Variants in OSBPL10 observed in about 807,000 individuals in gnomAD.
The protein encoded by OSBPL10 is oxysterol-binding protein-related protein 10.
A neutral mutation model predicts 81.7 loss-of-function variants in OSBPL10; 49 were observed. The observed-to-expected ratio is 0.60, with a 90% confidence interval of 0.48 to 0.76. The LOEUF is 0.76. OSBPL10 is among the 30% of genes least tolerant of loss of function. The pLI is 0.00. For missense variants in OSBPL10, 923 were observed against 987.8 expected (o/e 0.93, Z 0.88); for synonymous variants, 419 against 383.6 (o/e 1.09, Z -1.08).
rs1279800389 is a variant in OSBPL10, at chr3:31,965,743, TATAATATATATTATATTAAAAG to T, written c.281+15134_281+15155del. 3.4e-3 allele frequency among the ~76,000 whole-genome samples: 223 copies of T among 66,466 alleles called. 19 individuals are homozygous for T. The highest frequency in any genetic ancestry group is 0.012 in the Admixed American group (39 of 3,164). The allele number at this position is 66,466 out of a possible 152,430, so 43.6% of individuals were successfully genotyped here. On this transcript the variant is annotated intron_variant, in intron 1 of 11. Coordinates refer to ENST00000396556, the MANE Select transcript of OSBPL10 (RefSeq NM_017784.5). ...TAATATAATATATATTATCTATTTA[TATAATATATATTATATTAAAAG>T]ATAATATATATTATATAAATAGATA...
chr3:31,677,800 G>GAT (rs1700518899), intron 8 of OSBPL10, among the ~76,000 whole-genome samples: 1 of 152,090 alleles, frequency 6.6e-6, no homozygotes, highest in African/African-American at 2.4e-5. Context: ...ACAGAGCAAA[G>GAT]GCCGGGCGCG....
At chr3:32,007,303 C>A (rs1369242966) in intron 2 of OSBPL10, among the ~76,000 whole-genome samples, 2 of 152,184 alleles carry the variant, frequency 1.3e-5, no homozygotes, top group African/African-American at 4.8e-5. Flanking sequence ...AAATGTTCAT[C>A]AGTAAAAGAA....
At chr3:31,684,203 C>A (rs991926450) in intron 7 of OSBPL10, 89 bp from the exon 8 acceptor site, 31 of 1,508,784 alleles carry the variant, frequency 2.1e-5, no homozygotes, top group African/African-American at 2.8e-5. Context: ...CACTGTTAAG[C>A]AAATTCATAA....
chr3:31,665,486 C>G (rs1274985705), intron 10 of OSBPL10, among the ~76,000 whole-genome samples: 2 of 152,146 alleles, frequency 1.3e-5, no homozygotes, highest in Non-Finnish European at 2.9e-5. Flanking sequence ...TGAGTGCTGG[C>G]ATGGTCAGGC....
chr3:32,037,625 G>C (rs1699533091), intron 2 of OSBPL10: 1 of 209,162 alleles, frequency 4.8e-6, no homozygotes, highest in Non-Finnish European at 9.5e-6. Context: ...GCATTTGATG[G>C]TGCTATGTTT....
chr3:31,747,223 C>T (rs375718196), intron 5 of OSBPL10, among the ~76,000 whole-genome samples: 2 of 151,492 alleles, frequency 1.3e-5, no homozygotes, highest in African/African-American at 4.9e-5. Flanking sequence ...GAGGCTGAGG[C>T]GGGAGAATCT....
At chr3:31,809,323 T>C (rs1699607014) in intron 4 of OSBPL10, among the ~76,000 whole-genome samples, 1 of 152,080 alleles carries the variant, frequency 6.6e-6, no homozygotes, top group Non-Finnish European at 1.5e-5. Flanking sequence ...GAACATGTAA[T>C]GGAAAAAGTC....
chr3:31,732,376 A>C (rs1697001216), intron 6 of OSBPL10, among the ~76,000 whole-genome samples: 1 of 152,212 alleles, frequency 6.6e-6, no homozygotes, highest in Non-Finnish European at 1.5e-5. Flanking sequence ...AAACCATTTG[A>C]TCAAAGACAC....
intron 7 of OSBPL10, among the ~76,000 whole-genome samples, chr3:31,695,612 C>T (rs1695694135): frequency 6.6e-6 from 1 of 152,208 alleles, no homozygotes; most frequent in Admixed American, 6.5e-5. Flanking sequence ...CAGCCCCTCA[C>T]ATTCTGTATA....
intron 4 of OSBPL10, among the ~76,000 whole-genome samples, chr3:31,759,383 G>A (rs182214808): frequency 4.5e-4 from 68 of 152,130 alleles, no homozygotes; most frequent in Admixed American, 3.7e-3. Flanking sequence ...TCTGAAACTG[G>A]GGCTTCTAAG....
chr3:31,899,844 T>C (rs1368435117), intron 1 of OSBPL10, among the ~76,000 whole-genome samples: 2 of 152,016 alleles, frequency 1.3e-5, no homozygotes, highest in Non-Finnish European at 2.9e-5. Flanking sequence ...ATTAGCTGAG[T>C]ATGATGGCAC....
intron 4 of OSBPL10, among the ~76,000 whole-genome samples, chr3:31,824,342 G>A (rs754436609): frequency 5.3e-5 from 8 of 152,120 alleles, no homozygotes; most frequent in Non-Finnish European, 8.8e-5. Flanking sequence ...GCCATCAATT[G>A]TCTTTGCAAT....
rs9830532 is a variant in OSBPL10 at position 31,742,905 on chromosome 3, A to T, written c.940+5005T>A. ...GGGAAGGCACACATCTAGGCTGAAG[A>T]AAACAGATACCCAGTCCCCAGTCCA... On this transcript the variant is annotated intron_variant, in intron 5 of 11. Coordinates refer to ENST00000396556, the MANE Select transcript of OSBPL10 (RefSeq NM_017784.5). Among the ~76,000 whole-genome samples, 723 of 152,246 alleles carry T rather than the reference A, an allele frequency of 4.7e-3. 8 individuals are homozygous for T. The highest frequency in any genetic ancestry group is 0.017 in the African/African-American group (702 of 41,534).
chr3:32,026,092 TGATA>T (rs66576967), intron 2 of OSBPL10, among the ~76,000 whole-genome samples: 31,403 of 136,298 alleles, frequency 0.23, 4,656 homozygotes, highest in Admixed American at 0.36. Context: ...GATAGATAGA[TGATA>T]GATAGATAGA....
chr3:31,685,629 G>A (rs757347593), intron 7 of OSBPL10, among the ~76,000 whole-genome samples: 33 of 152,298 alleles, frequency 2.2e-4, no homozygotes, highest in Admixed American at 6.5e-4. Flanking sequence ...GGGTTCCAGC[G>A]AGTTGACCAA....
chr3:31,754,225 C>A lies in OSBPL10; in HGVS notation c.730-6105G>T, dbSNP rs1194126082. Among the ~76,000 whole-genome samples, 3 of 152,206 alleles carry A rather than the reference C, an allele frequency of 2.0e-5. No individual in the cohort carries two copies. The East Asian group carries it at 5.8e-4, about 29-fold the overall frequency. On this transcript the variant is annotated intron_variant, in intron 4 of 11. Transcript: ENST00000396556. ...CTGGGGACACTGCTCCTCATACCCA[C>A]AAACACAATCCTGTGTAGGCCAGTC...
intron 2 of OSBPL10, among the ~76,000 whole-genome samples, chr3:31,987,359 A>G (rs1698948762): frequency 6.6e-6 from 1 of 152,200 alleles, no homozygotes. Context: ...TCATTCCACT[A>G]CTGATGAACA....
chr3:31,915,881 G>T (rs1409038681), intron 1 of OSBPL10, among the ~76,000 whole-genome samples: 1 of 152,032 alleles, frequency 6.6e-6, no homozygotes, highest in Non-Finnish European at 1.5e-5. Flanking sequence ...ATCACCTGAG[G>T]TCAGGAGTTC....
chr3:31,743,054 T>G (rs9681026), intron 5 of OSBPL10, among the ~76,000 whole-genome samples: 2,726 of 146,948 alleles, frequency 0.019, 117 homozygotes, highest in African/African-American at 0.065. Context: ...TTTTTTTTTT[T>G]TTTTTAGAGA....
Sources: allele counts gnomAD v4.1 joint callset (sites outside exome capture counted in the v4.1 genomes callset), GRCh38; gene constraint gnomAD v4.1.1; transcripts MANE v1.5; gene names NCBI Gene and HGNC (gene_info 2026-07-23, HGNC 2026-07-21).